LARGE1: variants seen among roughly 807,000 people sequenced by gnomAD.
The protein encoded by LARGE1 is xylosyl- and glucuronyltransferase LARGE1.
LARGE1 carries 43 observed loss-of-function variants against 87.6 expected under a neutral mutation model. The ratio of observed to expected loss-of-function variants is 0.49; its 90% CI spans 0.38 to 0.63. The LOEUF (loss-of-function observed/expected upper bound fraction) is 0.63. Ranked by LOEUF, LARGE1 falls within the 30% of genes least tolerant of loss-of-function variation. The probability of loss-of-function intolerance (pLI) is 0.00; values close to 1 mark genes in which losing one functional copy is unlikely to be tolerated. For synonymous variants in LARGE1, 434 were observed against 394.6 expected (o/e 1.10, Z -1.18); for missense variants, 802 against 1,000.2 (o/e 0.80, Z 2.67).
chr22:33,910,723 G>A (rs1337105307), intron 1 of LARGE1, among the ~76,000 whole-genome samples: 1 of 152,196 alleles, frequency 6.6e-6, no homozygotes, highest in Non-Finnish European at 1.5e-5. Flanking sequence ...CTACAGTCAG[G>A]AACGATTTCA....
intron 2 of LARGE1, among the ~76,000 whole-genome samples, chr22:33,695,288 G>A (rs2149350549): frequency 6.6e-6 from 1 of 151,992 alleles, no homozygotes; most frequent in African/African-American, 2.4e-5. Flanking sequence ...ATTTTTAGTA[G>A]AGACAGCGTT....
the LARGE1 span, among the ~76,000 whole-genome samples, chr22:33,089,299 TTCCTC>T: frequency 2.6e-4 from 39 of 147,576 alleles, 1 homozygote; most frequent in South Asian, 8.4e-3. Flanking sequence ...CTTCTTCTTC[TTCCTC>T]TTCTTCTTCT....
At chr22:33,651,942 G>A (rs1160994631) in intron 2 of LARGE1, among the ~76,000 whole-genome samples, 6 of 152,138 alleles carry the variant, frequency 3.9e-5, no homozygotes, top group African/African-American at 7.2e-5. Flanking sequence ...GGGAGGCCAA[G>A]GCGGGCAAAT....
chr22:33,400,828 G>A (rs2065904948), intron 7 of LARGE1, among the ~76,000 whole-genome samples: 1 of 152,230 alleles, frequency 6.6e-6, no homozygotes, highest in Non-Finnish European at 1.5e-5. Context: ...TCAGGGAGGT[G>A]TGCAGAGGTC....
chr22:33,641,285 C>A (rs1323997540), intron 3 of LARGE1, among the ~76,000 whole-genome samples: 1 of 152,178 alleles, frequency 6.6e-6, no homozygotes, highest in African/African-American at 2.4e-5. Context: ...CAAACTCCAG[C>A]AGACCTGCAG....
intron 9 of LARGE1, among the ~76,000 whole-genome samples, chr22:33,344,139 T>C (rs920094158): frequency 6.6e-6 from 1 of 152,210 alleles, no homozygotes; most frequent in African/African-American, 2.4e-5. Flanking sequence ...CAAATGTTAA[T>C]CTCTTTTGGC....
At chr22:33,293,144 G>A (rs1227822804) in intron 12 of LARGE1, among the ~76,000 whole-genome samples, 6 of 152,222 alleles carry the variant, frequency 3.9e-5, no homozygotes, top group Non-Finnish European at 8.8e-5. Flanking sequence ...AGCCAGTCAG[G>A]AAAGGGTGTT....
At chr22:33,325,072 T>C (rs1937121477) in intron 10 of LARGE1, among the ~76,000 whole-genome samples, 1 of 152,272 alleles carries the variant, frequency 6.6e-6, no homozygotes, top group Admixed American at 6.5e-5. Flanking sequence ...ACAGAGTAGC[T>C]GAGATTCAAA....
At chr22:33,515,118 TAAAAAAA>T in intron 6 of LARGE1, among the ~76,000 whole-genome samples, 1 of 134,428 alleles carries the variant, frequency 7.4e-6, no homozygotes, top group East Asian at 2.1e-4. Flanking sequence ...CAGGTGTAGC[TAAAAAAA>T]AAAAAAATAA....
At chr22:33,768,436 T>TCA (rs71969164) in intron 1 of LARGE1, among the ~76,000 whole-genome samples, 2,242 of 147,536 alleles carry the variant, frequency 0.015, 19 homozygotes, top group South Asian at 0.029. Flanking sequence ...ACGCGCGCGC[T>TCA]CACACACACA....
At chr22:33,345,017 C>T (rs2146669612) in intron 9 of LARGE1, among the ~76,000 whole-genome samples, 1 of 152,286 alleles carries the variant, frequency 6.6e-6, no homozygotes, top group East Asian at 1.9e-4. Flanking sequence ...GCATGTGGAT[C>T]TACAAGGATT....
chr22:33,162,475 G>T (rs1038222156), exon 12 of LARGE1: 6 of 152,170 alleles, frequency 3.9e-5, no homozygotes, highest in Admixed American at 6.5e-5. Context: ...CCTGACACGT[G>T]GGGATGATGG....
chr22:33,827,125 G>A (rs1036943973), intron 1 of LARGE1, among the ~76,000 whole-genome samples: 1 of 152,088 alleles, frequency 6.6e-6, no homozygotes, highest in Non-Finnish European at 1.5e-5. Context: ...CACTTTGGGA[G>A]GCCGAGGCGG....
At chr22:33,444,035 T>C (rs1376966638) in intron 6 of LARGE1, among the ~76,000 whole-genome samples, 1 of 152,226 alleles carries the variant, frequency 6.6e-6, no homozygotes, top group Admixed American at 6.5e-5. Context: ...TCCTTTGACT[T>C]ACTATTATTA....
chr22:33,573,595 A>C (rs2078270297), intron 5 of LARGE1, among the ~76,000 whole-genome samples: 1 of 152,210 alleles, frequency 6.6e-6, no homozygotes. Flanking sequence ...AGGGTCCATG[A>C]TGAAGGAAAC....
chr22:33,738,588 G>A (rs980127303), intron 2 of LARGE1, among the ~76,000 whole-genome samples: 6 of 152,132 alleles, frequency 3.9e-5, no homozygotes, highest in South Asian at 2.1e-4. Context: ...GGCCGGGCGC[G>A]GTGGCTCACG....
intron 2 of LARGE1, among the ~76,000 whole-genome samples, chr22:33,674,301 C>T (rs2081501988): frequency 6.6e-6 from 1 of 152,170 alleles, no homozygotes; most frequent in East Asian, 1.9e-4. Context: ...CTTTCTGTTG[C>T]TCTGACTTTG....
intron 1 of LARGE1, among the ~76,000 whole-genome samples, chr22:33,797,245 C>A (rs5749664): frequency 0.18 from 27,351 of 152,190 alleles, 2,592 homozygotes; most frequent in Middle Eastern, 0.31. Context: ...GTTCATTCGC[C>A]TTCCCTAGCC....
At chr22:33,597,763 C>T (rs899607750) in intron 5 of LARGE1, among the ~76,000 whole-genome samples, 10 of 152,262 alleles carry the variant, frequency 6.6e-5, no homozygotes, top group South Asian at 2.1e-4. Flanking sequence ...CGGGATCACG[C>T]GCACCCCAGT....
Sources: gnomAD v4.1 joint callset for allele counts (sites outside exome capture counted in the v4.1 genomes callset) on GRCh38, gnomAD v4.1.1 for gene constraint, MANE v1.5 for transcripts, NCBI Gene and HGNC (gene_info 2026-07-23, HGNC 2026-07-21) for gene names.